WWOX: variants seen among roughly 807,000 people sequenced by gnomAD.
WWOX encodes WW domain containing oxidoreductase.
In WWOX, 69 loss-of-function variants were observed where a neutral mutation model predicts 46.2. The observed-to-expected ratio is 1.49, with a 90% CI of 1.23 to 1.82. The LOEUF is 1.82. Among genes scored for constraint, WWOX ranks in the 40% most tolerant of loss-of-function variants. The pLI is 0.00. For missense variants in WWOX, 919 were observed against 542.6 expected (o/e 1.69, Z -6.89); for synonymous variants, 359 against 202.6 (o/e 1.77, Z -6.56).
At chr16:78,328,577 A>G (rs78945418) in intron 5 of WWOX, among the ~76,000 whole-genome samples, 1 of 152,236 alleles carries the variant, frequency 6.6e-6, no homozygotes, top group Non-Finnish European at 1.5e-5. Context: ...GTAGGCCTGT[A>G]TTCAAAGGAG....
chr16:79,030,960 C>G (rs945173449), intron 8 of WWOX, among the ~76,000 whole-genome samples: 11 of 151,838 alleles, frequency 7.2e-5, no homozygotes, highest in Non-Finnish European at 7.4e-5. Flanking sequence ...GGTATGGTGG[C>G]ACATGCCTGT....
At chr16:78,630,687 CTG>C (rs1208506185) in intron 8 of WWOX, among the ~76,000 whole-genome samples, 2 of 152,178 alleles carry the variant, frequency 1.3e-5, no homozygotes, top group Non-Finnish European at 2.9e-5. Flanking sequence ...CATCCTTTTG[CTG>C]TGATAAATCT....
chr16:78,461,646 A>G (rs2244985), intron 8 of WWOX, among the ~76,000 whole-genome samples: 49,194 of 152,096 alleles, frequency 0.32, 10,418 homozygotes, highest in African/African-American at 0.61. Flanking sequence ...GCACAGCTCA[A>G]AAACCCTCAC....
intron 8 of WWOX, among the ~76,000 whole-genome samples, chr16:78,463,460 G>T (rs1472877072): frequency 6.6e-6 from 1 of 152,198 alleles, no homozygotes; most frequent in Admixed American, 6.5e-5. Context: ...CACAGAAGCA[G>T]CAGCTATCCA....
At chr16:78,723,868 T>TA (rs756966276) in intron 8 of WWOX, among the ~76,000 whole-genome samples, 2 of 152,126 alleles carry the variant, frequency 1.3e-5, no homozygotes, top group African/African-American at 4.8e-5. Flanking sequence ...ATTTAATCTG[T>TA]AAAAAATGAG....
rs117397060 is a variant in WWOX at position 79,172,987 on chromosome 16, C to G, written c.1057-38621C>G. 0.012 allele frequency among the ~76,000 whole-genome samples: 1,752 copies of G among 152,266 alleles called. 104 individuals carry two copies. In the East Asian group the frequency reaches 0.16, roughly 14 times the overall value. ...AGTGAACCATGATGGTGCCACTGCA[C>G]TCCAGGCTGTGTGACAGAGCAAGAC... On this transcript the variant is annotated intron_variant, in intron 8 of 8. Transcript: ENST00000566780.
intron 8 of WWOX, among the ~76,000 whole-genome samples, chr16:78,459,203 G>A (rs1340851808): frequency 6.6e-6 from 1 of 152,210 alleles, no homozygotes; most frequent in African/African-American, 2.4e-5. Flanking sequence ...TTAATTTAGA[G>A]ATTAAGAAGC....
At chr16:78,463,021 A>C (rs2083989264) in intron 8 of WWOX, among the ~76,000 whole-genome samples, 1 of 152,166 alleles carries the variant, frequency 6.6e-6, no homozygotes, top group Non-Finnish European at 1.5e-5. Context: ...ATTTATGCAC[A>C]CTGGCTTTGA....
chr16:78,863,565 T>C (rs1054181399), intron 8 of WWOX, among the ~76,000 whole-genome samples: 1 of 152,198 alleles, frequency 6.6e-6, no homozygotes, highest in African/African-American at 2.4e-5. Flanking sequence ...GCATTGTGGC[T>C]CCCTTTGTGA....
At chr16:78,615,102 G>A (rs1297545038) in intron 8 of WWOX, among the ~76,000 whole-genome samples, 3 of 152,144 alleles carry the variant, frequency 2.0e-5, no homozygotes, top group African/African-American at 7.2e-5. Flanking sequence ...AATTCTATGT[G>A]TAAAATAATT....
At chr16:78,431,813 C>T (rs1269390234) in intron 7 of WWOX, among the ~76,000 whole-genome samples, 1 of 151,820 alleles carries the variant, frequency 6.6e-6, no homozygotes, top group Non-Finnish European at 1.5e-5. Context: ...ACCTCCCAGG[C>T]TGAAGCGATC....
At chr16:78,947,794 A>C (rs373383008) in intron 8 of WWOX, among the ~76,000 whole-genome samples, 1 of 152,202 alleles carries the variant, frequency 6.6e-6, no homozygotes, top group South Asian at 2.1e-4. Flanking sequence ...TTGGAAACCT[A>C]ATTTTAGATG....
chr16:78,608,307 A>G (rs942765996), intron 8 of WWOX, among the ~76,000 whole-genome samples: 1 of 152,224 alleles, frequency 6.6e-6, no homozygotes, highest in Admixed American at 6.5e-5. Context: ...TCTACTGCAG[A>G]ATAATGAGGT....
chr16:78,500,903 G>C (rs2085046855), intron 8 of WWOX, among the ~76,000 whole-genome samples: 1 of 152,166 alleles, frequency 6.6e-6, no homozygotes, highest in African/African-American at 2.4e-5. Context: ...AGAATTCAAA[G>C]CCAGTGTGTC....
intron 8 of WWOX, among the ~76,000 whole-genome samples, chr16:78,940,559 A>G (rs748333511): frequency 3.3e-5 from 5 of 152,060 alleles, no homozygotes; most frequent in Non-Finnish European, 4.4e-5. Context: ...TTCTTAATCC[A>G]TTAGTACCTG....
intron 8 of WWOX, among the ~76,000 whole-genome samples, chr16:78,443,773 T>C (rs903994281): frequency 6.6e-6 from 1 of 152,218 alleles, no homozygotes; most frequent in East Asian, 1.9e-4. Context: ...TATAACTCTT[T>C]GTAGCTCTTT....
intron 8 of WWOX, among the ~76,000 whole-genome samples, chr16:78,675,283 C>T (rs2047565958): frequency 6.6e-6 from 1 of 152,082 alleles, no homozygotes; most frequent in African/African-American, 2.4e-5. Context: ...GTTCTTTAAG[C>T]TACAGCTGTA....
rs565535145 is a variant in WWOX, at chr16:78,956,003, C to A, written c.1057-255605C>A. 1.8e-3 allele frequency among the ~76,000 whole-genome samples: 271 copies of A among 151,186 alleles called. 2 individuals carry two copies. Among genetic ancestry groups the A allele is most frequent in the African/African-American group, 6.3e-3 (260 of 41,300 alleles). ...AAAAAACAAAAAACAAAAAAAAACACAAAAAAAACTTTTTTTTTTAGAACT... is the reference window on the plus strand; with the variant it reads ...AAAAAACAAAAAACAAAAAAAAACAAAAAAAAAACTTTTTTTTTTAGAACT... On this transcript the variant is annotated intron_variant, in intron 8 of 8. Transcript: ENST00000566780.
chr16:78,383,317 G>A (rs985439861), intron 5 of WWOX, among the ~76,000 whole-genome samples: 16 of 152,080 alleles, frequency 1.1e-4, no homozygotes, highest in African/African-American at 3.1e-4. Flanking sequence ...TATATATGGG[G>A]GAAGCTGGAT....
Sources: gnomAD v4.1 joint callset for allele counts (sites outside exome capture counted in the v4.1 genomes callset) on GRCh38, gnomAD v4.1.1 for gene constraint, MANE v1.5 for transcripts, NCBI Gene and HGNC (gene_info 2026-07-23, HGNC 2026-07-21) for gene names.